The following WDR91 variants were observed in gnomAD, a reference collection of about 807,000 sequenced individuals.
WDR91 encodes WD repeat-containing protein 91.
A neutral mutation model predicts 88.4 loss-of-function variants in WDR91; 52 were observed. The ratio of observed to expected loss-of-function variants is 0.59; its 90% confidence interval spans 0.47 to 0.74. The LOEUF is 0.74. WDR91 is among the 30% of genes least tolerant of loss of function. WDR91 has a pLI of 0.00. For synonymous variants in WDR91, 362 were observed against 389.5 expected (o/e 0.93, Z 0.83); for missense variants, 824 against 954.5 (o/e 0.86, Z 1.80).
intron 12 of WDR91, among the ~76,000 whole-genome samples, chr7:135,189,060 C>T (rs1831060168): frequency 6.6e-6 from 1 of 152,170 alleles, no homozygotes; most frequent in Admixed American, 6.5e-5. Flanking sequence ...TCTTGTATGC[C>T]CTCCTGTATT....
intron 13 of WDR91, 97 bp from the exon 14 acceptor site, chr7:135,187,266 AG>A: frequency 7.8e-7 from 1 of 1,279,612 alleles, no homozygotes; most frequent in Non-Finnish European, 1.1e-6. Context: ...GAGGCTGGCG[AG>A]GGCGACCCGC....
At chr7:135,210,458 C>G (rs1347691517) in intron 1 of WDR91, among the ~76,000 whole-genome samples, 1 of 152,160 alleles carries the variant, frequency 6.6e-6, no homozygotes, top group Non-Finnish European at 1.5e-5. Flanking sequence ...TCCACAATTC[C>G]CAGATCCCAA....
chr7:135,206,043 C>T lies in WDR91; in HGVS notation c.610G>A (p.Ala204Thr), dbSNP rs777696525. The T allele has an allele frequency of 6.8e-6, 11 of 1,614,222 alleles. No homozygotes were observed. The East Asian group carries it at 2.5e-4, about 36-fold the overall frequency. Residue 204 changes from alanine (A) to threonine (T), a missense_variant, in exon 5 of 15, where the codon GCT (alanine) becomes ACT (threonine). Physicochemically the swap from Ala to Thr is moderately conservative, Grantham distance 58. Transcript: ENST00000354475. ...TCTTTCTTCAGTCGGTGGATTTCAG[C>T]TTGCAATGCAAAAAGCTATACAGGG... Reference protein sequence around the residue: ...VLRQKLFALQAEIHRLKKEEQ... With the variant: ...VLRQKLFALQTEIHRLKKEEQ...
chr7:135,205,928 A>T lies in WDR91; in HGVS notation c.725T>A (p.Leu242His). The T allele has an allele frequency of 6.2e-7, 1 of 1,613,290 alleles. No individual in the cohort carries two copies. The highest frequency in any genetic ancestry group is 8.5e-7 in the Non-Finnish European group (1 of 1,180,026). ...SNMDRLGDSE[L>H]AMVCSQRNAS... ...GGAAAGGGCCGTCACACACACTCACAGTTCCGAGTCCCCCAGGCGGTCCAT... is the reference window on the plus strand; with the variant it reads ...GGAAAGGGCCGTCACACACACTCACTGTTCCGAGTCCCCCAGGCGGTCCAT... Residue 242 changes from leucine to histidine, a missense_variant and splice_region_variant, in exon 5 of 15, where the codon CTT (leucine) becomes CAT (histidine). Transcript: ENST00000354475.
At chr7:135,188,241 C>T (rs1414638032) in intron 13 of WDR91, among the ~76,000 whole-genome samples, 192 bp downstream of exon 13, 1 of 152,188 alleles carries the variant, frequency 6.6e-6, no homozygotes, top group Non-Finnish European at 1.5e-5. Flanking sequence ...ATAAGGATAG[C>T]CAACTCCCAC....
chr7:135,186,020 T>C lies in WDR91; in HGVS notation c.*131A>G. 9.9e-6 allele frequency: 11 copies of C among 1,111,744 alleles called. No individual in the cohort carries two copies. Among genetic ancestry groups the C allele is most frequent in the South Asian group, 1.9e-5 (1 of 53,808 alleles). The allele number at this position is 1,111,744 out of a possible 1,614,324, so 68.9% of individuals were successfully genotyped here. A position where few individuals can be genotyped will look rare whatever the true frequency, so the allele number is the denominator to read the frequency against. On this transcript the variant is annotated 3_prime_UTR_variant, in exon 15 of 15. Transcript: ENST00000354475. ...CACAGATGGAAGCACCTGAGCCTCCTTGCCAGTCTTTCCCTGCAGAGTCAC... is the reference window on the plus strand; with the variant it reads ...CACAGATGGAAGCACCTGAGCCTCCCTGCCAGTCTTTCCCTGCAGAGTCAC...
intron 4 of WDR91, among the ~76,000 whole-genome samples, chr7:135,206,638 T>C (rs932891197): frequency 2.6e-5 from 4 of 152,078 alleles, no homozygotes; most frequent in Middle Eastern, 3.2e-3. Flanking sequence ...GGCTCTATTG[T>C]TTTATCAAAC....
At chr7:135,208,569 TCAG>T (rs940990016) in intron 3 of WDR91, among the ~76,000 whole-genome samples, 1 of 152,148 alleles carries the variant, frequency 6.6e-6, no homozygotes, top group Admixed American at 6.5e-5. Context: ...TGCCCACACG[TCAG>T]CTAATACTTC....
intron 1 of WDR91, among the ~76,000 whole-genome samples, chr7:135,211,150 G>A (rs932778539): frequency 6.6e-6 from 1 of 152,156 alleles, no homozygotes; most frequent in Non-Finnish European, 1.5e-5. Context: ...GGGGCATCGG[G>A]GCTCCAGCCT....
At chr7:135,203,301 G>C (rs187423005) in intron 6 of WDR91, among the ~76,000 whole-genome samples, 49 of 152,338 alleles carry the variant, frequency 3.2e-4, no homozygotes, top group African/African-American at 1.2e-3. Flanking sequence ...CCAAACTGCT[G>C]TGCCACTTGC....
chr7:135,195,063 TCTC>T lies in WDR91; in HGVS notation c.1263_1265del (p.Arg422del), dbSNP rs1831312673. On this transcript the variant is annotated inframe_deletion, in exon 9 of 15. Coordinates refer to ENST00000354475, the MANE Select transcript of WDR91 (RefSeq NM_014149.4). ...CCCCATCTACGTCTAAGCTGGCGACTCTCCTCCCAGAGCAGTCCACTCTGAGAT... is the reference window on the plus strand; with the variant it reads ...CCCCATCTACGTCTAAGCTGGCGACTCTCCCAGAGCAGTCCACTCTGAGAT... 1 of 1,613,518 alleles carries T rather than the reference TCTC, an allele frequency of 6.2e-7. No homozygotes were observed. Among genetic ancestry groups the T allele is most frequent in the Admixed American group, 1.7e-5 (1 of 59,974 alleles).
intron 6 of WDR91, among the ~76,000 whole-genome samples, chr7:135,202,915 C>G (rs557790913): frequency 6.6e-6 from 1 of 152,284 alleles, no homozygotes; most frequent in Non-Finnish European, 1.5e-5. Flanking sequence ...TTTGCATTAA[C>G]GGCACTTTAG....
intron 5 of WDR91, 79 bp from the exon 6 acceptor site, chr7:135,204,512 T>C (rs17233604): frequency 0.14 from 215,582 of 1,500,766 alleles, 17,658 homozygotes; most frequent in South Asian, 0.26. Context: ...TCCCGGGCTA[T>C]GGATGACGTT....
chr7:135,203,296 C>T (rs923519025), intron 6 of WDR91, among the ~76,000 whole-genome samples: 1 of 152,230 alleles, frequency 6.6e-6, no homozygotes, highest in African/African-American at 2.4e-5. Context: ...CAGCCCCAAA[C>T]TGCTGTGCCA....
At chr7:135,189,893 C>G (rs1053143970) in intron 11 of WDR91, among the ~76,000 whole-genome samples, 2 of 152,156 alleles carry the variant, frequency 1.3e-5, no homozygotes, top group Non-Finnish European at 2.9e-5. Context: ...GCAAACAAAA[C>G]CACCTCATAG....
At chr7:135,193,740 A>AGAGGGGGTGAGGCTGGGCAGGCT in intron 9 of WDR91, 68 bp from the exon 10 acceptor site, 1 of 1,397,388 alleles carries the variant, frequency 7.2e-7, no homozygotes, top group African/African-American at 1.4e-5. Flanking sequence ...GAGGATCTCC[A>AGAGGGGGTGAGGCTGGGCAGGCT]GAGGGGGTGA....
intron 6 of WDR91, among the ~76,000 whole-genome samples, chr7:135,202,900 G>GT (rs1162608367): frequency 6.6e-6 from 1 of 152,156 alleles, no homozygotes; most frequent in African/African-American, 2.4e-5. Context: ...CTAAATTACA[G>GT]TTTTTTTGCA....
At chr7:135,203,678 T>G (rs1831654624) in intron 6 of WDR91, among the ~76,000 whole-genome samples, 1 of 152,222 alleles carries the variant, frequency 6.6e-6, no homozygotes, top group African/African-American at 2.4e-5. Flanking sequence ...AATTCAAAAT[T>G]CTAATTGCCT....
chr7:135,195,133 T>C (rs774474161), intron 8 of WDR91, 49 bp from the exon 9 acceptor site: 90 of 1,579,974 alleles, frequency 5.7e-5, no homozygotes, highest in Non-Finnish European at 7.3e-5. Flanking sequence ...TCAGTCCCCA[T>C]CCTCTTCTGC....
Sources: allele counts gnomAD v4.1 joint callset (sites outside exome capture counted in the v4.1 genomes callset), GRCh38; gene constraint gnomAD v4.1.1; transcripts MANE v1.5; gene names NCBI Gene and HGNC (gene_info 2026-07-23, HGNC 2026-07-21).